The following FRMD4A variants were observed in gnomAD, a reference collection of about 807,000 sequenced individuals.
FRMD4A encodes the protein FERM domain-containing protein 4A.
Under a neutral mutation model 129.1 loss-of-function variants are expected in FRMD4A, and 29 were observed. The ratio of observed to expected loss-of-function variants is 0.22; its 90% CI spans 0.17 to 0.31. The LOEUF (loss-of-function observed/expected upper bound fraction) is 0.31. Among genes scored for constraint, FRMD4A ranks in the 10% least tolerant of loss-of-function variants. The probability of loss-of-function intolerance (pLI) is 1.00; values close to 1 mark genes in which losing one functional copy is unlikely to be tolerated. For synonymous variants in FRMD4A, 634 were observed against 571.6 expected (o/e 1.11, Z -1.56); for missense variants, 1,272 against 1,375.8 (o/e 0.92, Z 1.19).
chr10:13,833,340 T>C (rs1321299407), intron 3 of FRMD4A, among the ~76,000 whole-genome samples: 1 of 152,168 alleles, frequency 6.6e-6, no homozygotes, highest in East Asian at 1.9e-4. Context: ...CCATCAGATC[T>C]CATGAGATTT....
intron 10 of FRMD4A, 77 bp from the exon 11 acceptor site, chr10:13,740,328 T>C: frequency 9.6e-7 from 1 of 1,038,732 alleles, no homozygotes; most frequent in Non-Finnish European, 1.5e-6. Context: ...TCTGGTATCA[T>C]ATATATATTT....
chr10:14,233,257 G>A (rs916585550), intron 2 of FRMD4A, among the ~76,000 whole-genome samples: 32 of 152,112 alleles, frequency 2.1e-4, no homozygotes, highest in African/African-American at 6.8e-4. Flanking sequence ...CTGATTCCAC[G>A]AAATTATCCT....
chr10:14,188,355 T>G (rs1266142970), intron 2 of FRMD4A, among the ~76,000 whole-genome samples: 1 of 152,158 alleles, frequency 6.6e-6, no homozygotes, highest in Non-Finnish European at 1.5e-5. Flanking sequence ...ATTGGGCACA[T>G]AGCACTCCCT....
At chr10:13,760,152 C>G (rs1292318148) in intron 8 of FRMD4A, among the ~76,000 whole-genome samples, 1 of 152,044 alleles carries the variant, frequency 6.6e-6, no homozygotes, top group Non-Finnish European at 1.5e-5. Context: ...ATTTACTTAT[C>G]CTATGGGGCT....
At chr10:13,742,465 G>C (rs939603101) in intron 9 of FRMD4A, among the ~76,000 whole-genome samples, 1 of 152,208 alleles carries the variant, frequency 6.6e-6, no homozygotes, top group African/African-American at 2.4e-5. Context: ...TCAAAGCTCT[G>C]TGAGGGGAGC....
intron 2 of FRMD4A, among the ~76,000 whole-genome samples, chr10:13,865,125 G>A (rs1368836127): frequency 1.3e-5 from 2 of 152,048 alleles, no homozygotes; most frequent in African/African-American, 4.8e-5. Flanking sequence ...TTACAGGAGT[G>A]ATCCAACATG....
chr10:13,658,380 G>C (rs193042726), intron 21 of FRMD4A, among the ~76,000 whole-genome samples: 2 of 152,190 alleles, frequency 1.3e-5, no homozygotes, highest in Admixed American at 1.3e-4. Context: ...CATTCTGCTC[G>C]TTTGAGTCCA....
intron 2 of FRMD4A, among the ~76,000 whole-genome samples, chr10:14,107,162 A>G (rs1437468475): frequency 6.6e-6 from 1 of 152,154 alleles, no homozygotes; most frequent in Non-Finnish European, 1.5e-5. Context: ...GTACTCATGG[A>G]CATAAAGATG....
chr10:14,068,295 G>A (rs796343142), intron 2 of FRMD4A, among the ~76,000 whole-genome samples: 17 of 152,284 alleles, frequency 1.1e-4, no homozygotes, highest in African/African-American at 3.8e-4. Context: ...GGTTGTGATT[G>A]TATCACATAT....
At chr10:13,734,895 A>G (rs2090545771) in intron 12 of FRMD4A, among the ~76,000 whole-genome samples, 1 of 144,802 alleles carries the variant, frequency 6.9e-6, no homozygotes, top group Non-Finnish European at 1.5e-5. Context: ...TATTTTTGAG[A>G]TGGAATCTGG....
chr10:14,119,636 C>G (rs1838389393), intron 2 of FRMD4A, among the ~76,000 whole-genome samples: 1 of 152,160 alleles, frequency 6.6e-6, no homozygotes, highest in Non-Finnish European at 1.5e-5. Context: ...TGTAGCCCAA[C>G]AAATGAGAGG....
intron 8 of FRMD4A, among the ~76,000 whole-genome samples, chr10:13,750,728 G>C (rs11258579): frequency 0.015 from 2,246 of 152,304 alleles, 67 homozygotes; most frequent in African/African-American, 0.051. Flanking sequence ...TTTAATGCCA[G>C]GCTAAGAGGG....
intron 3 of FRMD4A, among the ~76,000 whole-genome samples, chr10:13,813,174 A>C (rs1019005476): frequency 1.3e-5 from 2 of 152,232 alleles, no homozygotes; most frequent in African/African-American, 4.8e-5. Context: ...GCCGGGCGCC[A>C]TGGCTCACGC....
At chr10:13,796,405 G>C in intron 5 of FRMD4A, 91 bp downstream of exon 5, 1 of 736,562 alleles carries the variant, frequency 1.4e-6, no homozygotes, top group South Asian at 1.5e-5. Context: ...AGACAAACTT[G>C]AGCTCTCTTT....
intron 2 of FRMD4A, among the ~76,000 whole-genome samples, chr10:13,932,646 G>C (rs548039391): frequency 1.3e-5 from 2 of 152,096 alleles, no homozygotes; most frequent in Non-Finnish European, 2.9e-5. Flanking sequence ...CTACTCCCTG[G>C]GACTTACAGT....
intron 2 of FRMD4A, among the ~76,000 whole-genome samples, chr10:14,250,982 T>C (rs1203862218): frequency 6.6e-6 from 1 of 152,168 alleles, no homozygotes; most frequent in Non-Finnish European, 1.5e-5. Flanking sequence ...AGTTGCATAG[T>C]TTCTAGCTGT....
At chr10:13,967,069 G>A (rs942225411) in intron 2 of FRMD4A, among the ~76,000 whole-genome samples, 5 of 152,232 alleles carry the variant, frequency 3.3e-5, no homozygotes, top group South Asian at 2.1e-4. Flanking sequence ...CGGGCGCGGT[G>A]GCTCACGCCT....
chr10:14,157,967 A>G (rs565668600), intron 2 of FRMD4A, among the ~76,000 whole-genome samples: 1 of 152,352 alleles, frequency 6.6e-6, no homozygotes, highest in East Asian at 1.9e-4. Context: ...ACCCAGGCAC[A>G]AAGCTCAGCA....
At chr10:14,185,617 G>A (rs543418823) in intron 2 of FRMD4A, among the ~76,000 whole-genome samples, 10 of 152,072 alleles carry the variant, frequency 6.6e-5, no homozygotes, top group East Asian at 5.8e-4. Flanking sequence ...ACAGAAAGGG[G>A]ATATATACTT....
Sources: allele counts gnomAD v4.1 joint callset (sites outside exome capture counted in the v4.1 genomes callset), GRCh38; gene constraint gnomAD v4.1.1; transcripts MANE v1.5; gene names NCBI Gene and HGNC (gene_info 2026-07-23, HGNC 2026-07-21).